Variants in ITCH observed in about 807,000 individuals in gnomAD.
ITCH encodes itchy E3 ubiquitin protein ligase, also known as E3 ubiquitin-protein ligase Itchy homolog.
ITCH carries 28 observed loss-of-function variants against 126.8 expected under a neutral mutation model. The ratio of observed to expected loss-of-function variants is 0.22; its 90% CI spans 0.16 to 0.30. The LOEUF (loss-of-function observed/expected upper bound fraction) is 0.30, where lower values mean the gene tolerates loss of function less well. ITCH is among the 10% of genes least tolerant of loss of function. ITCH has a pLI of 1.00. For synonymous variants in ITCH, 342 were observed against 340.0 expected, an observed-to-expected ratio of 1.01 and a Z score of -0.06; for missense variants, 631 against 1,032.4, an observed-to-expected ratio of 0.61 and a Z score of 5.33.
rs375269096 is a variant in ITCH, at chr20:34,378,367, G to A, written c.-22+8897G>A. 1.9e-4 allele frequency among the ~76,000 whole-genome samples: 29 copies of A among 151,344 alleles called. No homozygotes were observed. In the East Asian group the frequency reaches 3.5e-3, roughly 18 times the overall value. ...GGCGCACCTATAATCCCAGATACTC[G>A]GTGGGCTGAGGCTGGAGAATTCCTG... On this transcript the variant is annotated intron_variant, in intron 2 of 24. Transcript: ENST00000374864.
chr20:34,370,271 G>A (rs1418369547), intron 2 of ITCH, among the ~76,000 whole-genome samples: 1 of 152,152 alleles, frequency 6.6e-6, no homozygotes, highest in Non-Finnish European at 1.5e-5. Context: ...AAATAGGTAA[G>A]TATTGATTCC....
intron 2 of ITCH, among the ~76,000 whole-genome samples, chr20:34,382,858 C>T (rs1278280928): frequency 2.0e-5 from 3 of 151,664 alleles, no homozygotes; most frequent in African/African-American, 7.3e-5. Context: ...ATTCTCCTGC[C>T]TTAGCCTCCT....
intron 5 of ITCH, among the ~76,000 whole-genome samples, chr20:34,412,896 T>TAA (rs775652617): frequency 2.6e-5 from 4 of 152,118 alleles, no homozygotes; most frequent in South Asian, 2.1e-4. Context: ...AATACATATT[T>TAA]AATTGTGGAA....
chr20:34,408,256 G>A (rs1978425786), intron 3 of ITCH, among the ~76,000 whole-genome samples: 1 of 152,028 alleles, frequency 6.6e-6, no homozygotes, highest in African/African-American at 2.4e-5. Flanking sequence ...TGATTTTTAG[G>A]CGAGATGAGG....
intron 23 of ITCH, among the ~76,000 whole-genome samples, chr20:34,495,284 AAAT>A (rs879766743): frequency 0.38 from 49,385 of 128,390 alleles, 9,807 homozygotes; most frequent in Non-Finnish European, 0.46. Flanking sequence ...ATAAATAAAT[AAAT>A]AAATAAAATA....
intron 3 of ITCH, among the ~76,000 whole-genome samples, chr20:34,408,258 G>C (rs1404707253): frequency 6.6e-6 from 1 of 152,158 alleles, no homozygotes; most frequent in African/African-American, 2.4e-5. Flanking sequence ...ATTTTTAGGC[G>C]AGATGAGGTC....
At chr20:34,411,724 T>C (rs1979065796) in intron 4 of ITCH, among the ~76,000 whole-genome samples, 2 of 152,230 alleles carry the variant, frequency 1.3e-5, no homozygotes, top group Admixed American at 6.5e-5. Flanking sequence ...GAATTTGTCT[T>C]TATATCATTG....
At chr20:34,402,266 G>T in intron 3 of ITCH, 1 of 1,253,320 alleles carries the variant, frequency 8.0e-7, no homozygotes, top group Non-Finnish European at 1.2e-6. Context: ...CCACGTACTT[G>T]ACAGTCTTCA....
At chr20:34,449,343 C>A in intron 11 of ITCH, 68 bp from the exon 12 acceptor site, 1 of 920,086 alleles carries the variant, frequency 1.1e-6, no homozygotes. Flanking sequence ...GAAATCAGAA[C>A]TCATAAGCTT....
intron 17 of ITCH, among the ~76,000 whole-genome samples, chr20:34,478,431 A>T (rs897718989): frequency 6.6e-6 from 1 of 152,200 alleles, no homozygotes; most frequent in Non-Finnish European, 1.5e-5. Context: ...ACCCTAGAAG[A>T]TAGTCTCTAA....
intron 3 of ITCH, chr20:34,401,755 A>G (rs1453869755): frequency 2.2e-6 from 1 of 456,282 alleles, no homozygotes. Context: ...CCCCCCTAAA[A>G]AAGAGGAGGG....
In ITCH at chr20:34,459,735, C is replaced by T. The variant is rs116455324; in HGVS notation, c.1295+2261C>T. On this transcript the variant is annotated intron_variant, in intron 13 of 24. Transcript: ENST00000374864. The stretch of plus-strand genomic sequence containing the variant: ...TGGGCGACAGAGTGTGACTCTGCCT[C>T]AAAAAACTAAAACTAAAAATAAATA... Among the ~76,000 whole-genome samples the T allele has an allele frequency of 7.8e-3, 1,182 of 152,188 alleles. 17 individuals are homozygous for T. The highest frequency in any genetic ancestry group is 0.027 in the African/African-American group (1,117 of 41,524).
chr20:34,413,616 C>G, intron 5 of ITCH, 126 bp from the exon 6 acceptor site: 1 of 823,336 alleles, frequency 1.2e-6, no homozygotes. Context: ...CATAGTTAAA[C>G]AGTTTATATG....
chr20:34,409,793 G>A (rs1978719755), intron 4 of ITCH, among the ~76,000 whole-genome samples: 1 of 152,094 alleles, frequency 6.6e-6, no homozygotes, highest in Non-Finnish European at 1.5e-5. Flanking sequence ...TTAACACAAA[G>A]CCCTAAATGT....
chr20:34,384,689 C>T (rs775846635), intron 2 of ITCH, among the ~76,000 whole-genome samples: 9 of 123,520 alleles, frequency 7.3e-5, no homozygotes, highest in Non-Finnish European at 1.3e-4. Flanking sequence ...GAGACGGAGT[C>T]TCGCTCTGTC....
At chr20:34,405,951 T>C (rs151109234) in intron 3 of ITCH, among the ~76,000 whole-genome samples, 1 of 152,082 alleles carries the variant, frequency 6.6e-6, no homozygotes, top group African/African-American at 2.4e-5. Context: ...CCCACTTGAA[T>C]ATTTTTTATT....
chr20:34,485,819 A>T (rs896201752), intron 20 of ITCH, among the ~76,000 whole-genome samples: 1 of 152,132 alleles, frequency 6.6e-6, no homozygotes, highest in Admixed American at 6.5e-5. Flanking sequence ...AGTAGCTGGG[A>T]CTGTAGGCAC....
At position 34,438,603 on chromosome 20, in the gene ITCH, A is replaced by G; in HGVS notation, c.651A>G (p.Arg217=). The part of the protein sequence containing the change: ...FKPSRPPRPS[R]PPPPTPRRPA... The stretch of plus-strand genomic sequence containing the variant: ...CTTCTAGACCTCCAAGACCTTCACG[A>G]CCACCACCACCCACCCCACGTAGAC... Residue 217 remains arginine, a synonymous_variant, in exon 8 of 25, where the codon CGA becomes CGG. Coordinates refer to ENST00000374864, the MANE Select transcript of ITCH (RefSeq NM_031483.7). 1.2e-6 allele frequency: 2 copies of G among 1,613,934 alleles called. No individual in the cohort carries two copies. Among genetic ancestry groups the G allele is most frequent in the East Asian group, 2.2e-5 (1 of 44,876 alleles).
At chr20:34,470,987 G>GT (rs1361133776) in intron 15 of ITCH, among the ~76,000 whole-genome samples, 1 of 151,942 alleles carries the variant, frequency 6.6e-6, no homozygotes, top group Non-Finnish European at 1.5e-5. Context: ...TATATTCAGT[G>GT]TTTTTTTCAG....
Sources: allele counts gnomAD v4.1 joint callset (sites outside exome capture counted in the v4.1 genomes callset), GRCh38; gene constraint gnomAD v4.1.1; transcripts MANE v1.5; gene names NCBI Gene and HGNC (gene_info 2026-07-23, HGNC 2026-07-21).